CETN2: variants seen among roughly 807,000 people sequenced by gnomAD.
CETN2 encodes the protein centrin 2.
A neutral mutation model predicts 12.6 loss-of-function variants in CETN2; 2 were observed. The observed-to-expected ratio is 0.16, with a 90% CI of 0.07 to 0.50. The LOEUF (loss-of-function observed/expected upper bound fraction) is 0.50. Among genes scored for constraint, CETN2 ranks in the 20% least tolerant of loss-of-function variants. The pLI is 0.96. For synonymous variants in CETN2, 41 were observed against 43.4 expected (o/e 0.94, Z 0.22); for missense variants, 81 against 128.3 (o/e 0.63, Z 1.78).
At position 152,828,600 on chromosome X, in the gene CETN2, C is replaced by G. The variant is rs141465655; in HGVS notation, c.366G>C (p.Ser122=). The part of the protein sequence containing the change: ...LFDDDETGKI[S]FKNLKRVAKE... Reference sequence around the variant, plus strand: ...TGGCCACGCGTTTCAGATTTTTGAACGAAATCTTCCCAGTTTCATCATCAT... The same window carrying G: ...TGGCCACGCGTTTCAGATTTTTGAAGGAAATCTTCCCAGTTTCATCATCAT... The change falls in exon 4 of 5, where the codon TCG becomes TCC. Residue 122 remains serine, a synonymous_variant. Coordinates refer to ENST00000370277, the MANE Select transcript of CETN2 (RefSeq NM_004344.3). The G allele has an allele frequency of 1.1e-5, 13 of 1,210,353 alleles. No homozygotes were observed. The highest frequency in any genetic ancestry group is 1.5e-5 in the Non-Finnish European group (13 of 894,354).
intron 3 of CETN2, 104 bp from the exon 4 acceptor site, chrX:152,828,778 A>C: frequency 1.2e-6 from 1 of 810,273 alleles, no homozygotes; most frequent in Non-Finnish European, 1.7e-6. Context: ...TTTCCTTTTT[A>C]ACAATGTAAC....
Position 152,828,531 on chromosome X carries a change from A to G in CETN2, c.429+6T>C, listed in dbSNP as rs1602914087. 17 of 1,206,049 alleles carry G rather than the reference A, an allele frequency of 1.4e-5. No homozygotes were observed. In the East Asian group the frequency reaches 5.0e-4, roughly 36 times the overall value. The stretch of plus-strand genomic sequence containing the variant: ...ATTTTAAGTTCCAGTGTGATGCATT[A>G]CAAACCTGCAGCTCCTCATCAGTCA... On this transcript the variant is annotated splice_donor_region_variant and intron_variant, in intron 4 of 4. Coordinates refer to ENST00000370277, the MANE Select transcript of CETN2 (RefSeq NM_004344.3).
In CETN2 at chrX:152,829,285, G is replaced by C; in HGVS notation, c.163-8C>G. 1 of 1,176,620 alleles carries C rather than the reference G, an allele frequency of 8.5e-7. No homozygotes were observed. The highest frequency in any genetic ancestry group is 1.1e-6 in the Non-Finnish European group (1 of 882,023). ...CAGGGCCCTCATTGCCACCTATAAA[G>C]AAAACAGGATCGTCTCAATAAGCAC... On this transcript the variant is annotated splice_polypyrimidine_tract_variant and splice_region_variant and intron_variant, in intron 2 of 4. Coordinates refer to ENST00000370277, the MANE Select transcript of CETN2 (RefSeq NM_004344.3).
intron 1 of CETN2, among the ~76,000 whole-genome samples, chrX:152,830,390 G>A (rs1391272132): frequency 8.8e-6 from 1 of 113,307 alleles, no homozygotes; most frequent in Non-Finnish European, 1.9e-5. Flanking sequence ...GAGGCCAGGG[G>A]GCCAAGGTCT....
rs782617693 is a variant in CETN2 at position 152,830,573 on chromosome X, C to G, written c.3+135G>C. The G allele has an allele frequency of 3.6e-5, 30 of 832,291 alleles. No homozygotes were observed. The Admixed American group carries it at 8.1e-4, about 23-fold the overall frequency. The allele number at this position is 832,291 out of a possible 1,213,427, so 68.6% of individuals were successfully genotyped here. On this transcript the variant is annotated intron_variant, in intron 1 of 4. Coordinates refer to ENST00000370277, the MANE Select transcript of CETN2 (RefSeq NM_004344.3). Reference sequence around the variant, plus strand: ...GGTTGGTTAGCGTCTGTACCCTACTCTCCCGGGAAAGAGCTCAAAGGAAAG... The same window carrying G: ...GGTTGGTTAGCGTCTGTACCCTACTGTCCCGGGAAAGAGCTCAAAGGAAAG...
At chrX:152,828,409 T>C (rs1321080940) in intron 4 of CETN2, 128 bp downstream of exon 4, 1 of 735,419 alleles carries the variant, frequency 1.4e-6, no homozygotes, top group Non-Finnish European at 2.0e-6. Context: ...AGAATTAAGT[T>C]GTCTGCAGAG....
chrX:152,830,652 G>A, intron 1 of CETN2, 56 bp downstream of exon 1: 1 of 1,160,305 alleles, frequency 8.6e-7, no homozygotes. Flanking sequence ...GCCGAGCTGG[G>A]GCCTGGGAAG....
rs1556843007 is a variant in CETN2, at chrX:152,829,129, T to C, written c.291+20A>G. 2.5e-6 allele frequency: 3 copies of C among 1,207,673 alleles called. No individual in the cohort carries two copies. In the African/African-American group the frequency reaches 5.2e-5, roughly 21 times the overall value. On this transcript the variant is annotated intron_variant, in intron 3 of 4. Coordinates refer to ENST00000370277, the MANE Select transcript of CETN2 (RefSeq NM_004344.3). The stretch of plus-strand genomic sequence containing the variant: ...AGATGACTGGGGCTCCATACCATGA[T>C]AATTGTCTTAGCTACTTACCATTTT...
chrX:152,828,185 T>C (rs1932969640), intron 4 of CETN2, among the ~76,000 whole-genome samples: 1 of 111,728 alleles, frequency 9.0e-6, no homozygotes, highest in Non-Finnish European at 1.9e-5. Flanking sequence ...ATCATTGTAG[T>C]CCACCCAATG....
At chrX:152,828,007 T>G (rs1556842851) in intron 4 of CETN2, 77 bp from the exon 5 acceptor site, 2 of 815,712 alleles carry the variant, frequency 2.5e-6, no homozygotes, top group Non-Finnish European at 3.6e-6. Context: ...TTTTTTTTTT[T>G]AGAGATGGGG....
rs1018592683 is a variant in CETN2 at position 152,828,722 on chromosome X, G to T, written c.292-48C>A. 3.5e-6 allele frequency: 4 copies of T among 1,127,961 alleles called. No individual in the cohort carries two copies. The Middle Eastern group carries it at 7.4e-4, about 209-fold the overall frequency. The allele number at this position is 1,127,961 out of a possible 1,213,427, so 93.0% of individuals were successfully genotyped here. A position where few individuals can be genotyped will look rare whatever the true frequency, so the allele number is the denominator to read the frequency against. Reference sequence around the variant, plus strand: ...ACATGAGTAGGGGGACACCACGGTTGGTTACTACTGTCCTGTAGCCCTGCC... The same window carrying T: ...ACATGAGTAGGGGGACACCACGGTTTGTTACTACTGTCCTGTAGCCCTGCC... On this transcript the variant is annotated intron_variant, in intron 3 of 4. Transcript: ENST00000370277.
intron 1 of CETN2, 126 bp from the exon 2 acceptor site, chrX:152,829,886 A>T (rs782222494): frequency 1.5e-4 from 77 of 508,447 alleles, no homozygotes; most frequent in Non-Finnish European, 2.1e-4. Context: ...AGCTTTGCTT[A>T]AAAAGAAAGA....
chrX:152,829,101 T>A (rs1351209565), intron 3 of CETN2, 48 bp downstream of exon 3: 1 of 1,193,267 alleles, frequency 8.4e-7, no homozygotes, highest in African/African-American at 1.8e-5. Context: ...CATGGACCTC[T>A]GCAGATGACT....
rs782079694 is a variant in CETN2, at chrX:152,827,140, C to T, written c.*701G>A. 8.9e-6 allele frequency: 1 copy of T among 112,520 alleles called. No individual in the cohort carries two copies. The highest frequency in any genetic ancestry group is 3.6e-4 in the South Asian group (1 of 2,746). The allele number at this position is 112,520 out of a possible 1,213,427, so 9.3% of individuals were successfully genotyped here. A position where few individuals can be genotyped will look rare whatever the true frequency, so the allele number is the denominator to read the frequency against. ...AGGCTTAGGTGATATAAAAATTCTG[C>T]TAGTTTTACAAACCAGCAGCCTTCC... On this transcript the variant is annotated 3_prime_UTR_variant, in exon 5 of 5. Coordinates refer to ENST00000370277, the MANE Select transcript of CETN2 (RefSeq NM_004344.3).
intron 4 of CETN2, among the ~76,000 whole-genome samples, chrX:152,828,256 A>ACTT (rs1932970303): frequency 8.9e-6 from 1 of 112,419 alleles, no homozygotes; most frequent in Non-Finnish European, 1.9e-5. Flanking sequence ...ACCAACTCAT[A>ACTT]CTTTGTCAAA....
At chrX:152,829,996 G>T (rs112829565) in intron 1 of CETN2, among the ~76,000 whole-genome samples, 1 of 111,496 alleles carries the variant, frequency 9.0e-6, no homozygotes, top group African/African-American at 3.3e-5. Flanking sequence ...CACTTGTTCA[G>T]TAAGGACACC....
chrX:152,828,463 G>C, intron 4 of CETN2, 74 bp downstream of exon 4: 1 of 1,088,530 alleles, frequency 9.2e-7, no homozygotes, highest in Admixed American at 2.6e-5. Context: ...GCTCACACTA[G>C]GGAAAATGTA....
Position 152,827,755 on chromosome X carries a change from T to C in CETN2, c.*86A>G, listed in dbSNP as rs1932965934. The C allele has an allele frequency of 3.7e-6, 3 of 812,784 alleles. No homozygotes were observed. The highest frequency in any genetic ancestry group is 5.5e-6 in the Non-Finnish European group (3 of 543,700). 67.0% of individuals were successfully genotyped at this position (812,784 alleles called of 1,213,427 possible). ...AAAGGGAGGTCCGTGGGGGAAAAGT[T>C]TGTGTTCTCAAAAGCCAGATTTCAC... On this transcript the variant is annotated 3_prime_UTR_variant, in exon 5 of 5. Transcript: ENST00000370277.
Position 152,828,549 on chromosome X carries a change from A to G in CETN2, c.417T>C (p.Asp139=). The G allele has an allele frequency of 8.3e-7, 1 of 1,210,567 alleles. No individual in the cohort carries two copies. The highest frequency in any genetic ancestry group is 1.8e-5 in the South Asian group (1 of 56,601). ...VAKELGENLT[D]EELQEMIDEA... ...ATGCATTACAAACCTGCAGCTCCTCATCAGTCAGGTTCTCACCCAACTCCT... is the reference window on the plus strand; with the variant it reads ...ATGCATTACAAACCTGCAGCTCCTCGTCAGTCAGGTTCTCACCCAACTCCT... Residue 139 remains aspartate (D), a synonymous_variant, in exon 4 of 5, where the codon GAT becomes GAC. Transcript: ENST00000370277.
Sources: gnomAD v4.1 joint callset for allele counts (sites outside exome capture counted in the v4.1 genomes callset) on GRCh38, gnomAD v4.1.1 for gene constraint, MANE v1.5 for transcripts, NCBI Gene and HGNC (gene_info 2026-07-23, HGNC 2026-07-21) for gene names.